VAV2: variants seen among roughly 807,000 people sequenced by gnomAD.
VAV2 encodes the protein vav guanine nucleotide exchange factor 2.
A neutral mutation model predicts 132.5 loss-of-function variants in VAV2; 67 were observed. That is an observed-to-expected ratio of 0.51 (90% CI 0.42 to 0.62). The LOEUF (loss-of-function observed/expected upper bound fraction) is 0.62, where lower values mean the gene tolerates loss of function less well. Among genes scored for constraint, VAV2 ranks in the 20% least tolerant of loss-of-function variants. The pLI, the probability that VAV2 is intolerant of heterozygous loss-of-function variation, is 0.00. For missense variants in VAV2, 938 were observed against 1,153.6 expected (o/e 0.81, Z 2.71); for synonymous variants, 492 against 443.5 (o/e 1.11, Z -1.37).
chr9:133,940,752 C>T (rs1166801984), intron 1 of VAV2, among the ~76,000 whole-genome samples: 1 of 151,672 alleles, frequency 6.6e-6, no homozygotes, highest in Non-Finnish European at 1.5e-5. Context: ...ACTCCTTTAT[C>T]CCTAAATACC....
chr9:133,795,535 C>T, intron 12 of VAV2, 133 bp downstream of exon 12: 2 of 1,154,820 alleles, frequency 1.7e-6, no homozygotes, highest in Non-Finnish European at 2.5e-6. Context: ...CTGCCCTGCC[C>T]TGCCCCAACT....
At chr9:133,866,555 G>C (rs1011782483) in intron 2 of VAV2, among the ~76,000 whole-genome samples, 3 of 152,162 alleles carry the variant, frequency 2.0e-5, no homozygotes, top group African/African-American at 7.2e-5. Flanking sequence ...TGTAATCCCA[G>C]CACTTTGGGA....
At chr9:133,987,301 T>G (rs2132311080) in intron 1 of VAV2, among the ~76,000 whole-genome samples, 1 of 150,572 alleles carries the variant, frequency 6.6e-6, no homozygotes, top group South Asian at 2.1e-4. Flanking sequence ...GAGAGAAACC[T>G]GGAACAGTGG....
At chr9:133,882,457 C>T (rs772013679) in intron 2 of VAV2, among the ~76,000 whole-genome samples, 3 of 152,240 alleles carry the variant, frequency 2.0e-5, no homozygotes, top group Non-Finnish European at 2.9e-5. Flanking sequence ...AGGATCACAG[C>T]GGATGTCATG....
chr9:133,787,254 C>G lies in VAV2; in HGVS notation c.1414G>C (p.Gly472Arg). 6.3e-7 allele frequency: 1 copy of G among 1,586,228 alleles called. No individual in the cohort carries two copies. Among genetic ancestry groups the G allele is most frequent in the Non-Finnish European group, 8.6e-7 (1 of 1,163,836 alleles). Residue 472 changes from glycine to arginine, a missense_variant, in exon 16 of 30, where the codon GGG becomes CGG. By Grantham distance (125) the Gly-to-Arg change is moderately radical. Transcript: ENST00000371850. ...GGGCGCTAGGTGCTTACCATTTTCC[C>G]GTGAGACTAGGAAGCATGGAGAGGA... ...MNNKDVKKSH[G>R]KMWSYGFYLI...
rs1002728857 is a variant in VAV2 at position 133,823,174 on chromosome 9, T to C, written c.450-10958A>G. Among the ~76,000 whole-genome samples, 5 of 152,208 alleles carry C rather than the reference T, an allele frequency of 3.3e-5. No individual in the cohort carries two copies. Among genetic ancestry groups the C allele is most frequent in the African/African-American group, 1.2e-4 (5 of 41,448 alleles). On this transcript the variant is annotated intron_variant, in intron 4 of 29. Coordinates refer to ENST00000371850, the MANE Select transcript of VAV2 (RefSeq NM_001134398.2). This position sits in a 1 kb window ranked among gnomAD's most constrained non-coding sequence, Gnocchi z 5.5. ...CACAGTGAACCAGGCCCAGGCCTAG[T>C]TAGGTGTCCTCTCTGTGCTCTGCTC...
intron 2 of VAV2, among the ~76,000 whole-genome samples, chr9:133,905,690 G>A (rs1839624233): frequency 6.6e-6 from 1 of 152,098 alleles, no homozygotes; most frequent in Non-Finnish European, 1.5e-5. Flanking sequence ...CTGAAGACCA[G>A]CCCTGGGGGG....
chr9:133,881,609 G>A (rs1214629435), intron 2 of VAV2, among the ~76,000 whole-genome samples: 2 of 152,198 alleles, frequency 1.3e-5, no homozygotes, highest in African/African-American at 4.8e-5. Flanking sequence ...ATCCATGGTG[G>A]GCCTGGCAGC....
At chr9:133,848,699 C>G (rs2131831575) in intron 3 of VAV2, among the ~76,000 whole-genome samples, 1 of 152,324 alleles carries the variant, frequency 6.6e-6, no homozygotes, top group African/African-American at 2.4e-5. Context: ...AGCCGGGCAT[C>G]TTTGGGGAAA....
intron 3 of VAV2, among the ~76,000 whole-genome samples, chr9:133,845,725 A>ATCAC (rs1464816047): frequency 6.6e-6 from 1 of 152,222 alleles, no homozygotes; most frequent in Non-Finnish European, 1.5e-5. Context: ...CATGGCAGGC[A>ATCAC]TCACTAGTCA....
chr9:133,806,763 C>T (rs1025897864), intron 8 of VAV2, among the ~76,000 whole-genome samples: 2 of 152,234 alleles, frequency 1.3e-5, no homozygotes, highest in Non-Finnish European at 2.9e-5. Flanking sequence ...GGCCGCCAGG[C>T]CAGGAGGAAG....
intron 4 of VAV2, among the ~76,000 whole-genome samples, chr9:133,819,598 G>C (rs902804641): frequency 4.6e-5 from 7 of 152,144 alleles, no homozygotes; most frequent in African/African-American, 1.7e-4. Context: ...GTTGATACTG[G>C]GGGGGCGGAA....
At position 133,778,745 on chromosome 9, in the gene VAV2, C is replaced by T. The variant is rs113673536; in HGVS notation, c.1890+17G>A. On this transcript the variant is annotated intron_variant, in intron 22 of 29. Coordinates refer to ENST00000371850, the MANE Select transcript of VAV2 (RefSeq NM_001134398.2). ...TGGAGCCGGGGACCCTCGACCCTCC[C>T]GGGCCCCAGGACCCACCTCCCACCA... The T allele has an allele frequency of 1.9e-4, 310 of 1,611,140 alleles. No homozygotes were observed. In the African/African-American group the frequency reaches 3.4e-3, roughly 18 times the overall value.
Position 133,950,349 on chromosome 9 carries a change from C to CA in VAV2, c.205-11131dup, listed in dbSNP as rs138788819. Among the ~76,000 whole-genome samples the CA allele has an allele frequency of 1.6e-3, 250 of 152,292 alleles. 1 individual carries two copies. The highest frequency in any genetic ancestry group is 5.7e-3 in the African/African-American group (236 of 41,564). ...CAACTCTGCACCCGCCTCCAGTCCA[C>CA]AGTCAGACACCGAATAAGAGGCACC... is the stretch of plus-strand genomic sequence containing the variant. On this transcript the variant is annotated intron_variant, in intron 1 of 29. Coordinates refer to ENST00000371850, the MANE Select transcript of VAV2 (RefSeq NM_001134398.2).
chr9:133,926,556 C>T lies in VAV2; in HGVS notation c.321+12547G>A, dbSNP rs554835676. Among the ~76,000 whole-genome samples the T allele has an allele frequency of 6.6e-6, 1 of 152,146 alleles. No homozygotes were observed. Among genetic ancestry groups the T allele is most frequent in the Admixed American group, 6.5e-5 (1 of 15,280 alleles). On this transcript the variant is annotated intron_variant, in intron 2 of 29. Coordinates refer to ENST00000371850, the MANE Select transcript of VAV2 (RefSeq NM_001134398.2). This position sits in a 1 kb window ranked among gnomAD's most constrained non-coding sequence, Gnocchi z 4.3. ...CCAGTCTCCTACTCCAAGCAGACCTCCCTTCTAAACCTGAGCAGGCCAGGC... is the reference window on the plus strand; with the variant it reads ...CCAGTCTCCTACTCCAAGCAGACCTTCCTTCTAAACCTGAGCAGGCCAGGC...
Position 133,886,843 on chromosome 9 carries a change from T to C in VAV2, c.322-25411A>G, listed in dbSNP as rs1197430274. 3.3e-5 allele frequency among the ~76,000 whole-genome samples: 5 copies of C among 152,168 alleles called. No individual in the cohort carries two copies. In the South Asian group the frequency reaches 1.0e-3, roughly 31 times the overall value. ...GTGTTCATAATCCATACTCCAGGGG[T>C]CTGCTGGGCTTACAGGTCCCCTGGC... is the stretch of plus-strand genomic sequence containing the variant. On this transcript the variant is annotated intron_variant, in intron 2 of 29. Transcript: ENST00000371850.
At chr9:133,782,313 A>G (rs1834040052) in intron 19 of VAV2, among the ~76,000 whole-genome samples, 1 of 152,120 alleles carries the variant, frequency 6.6e-6, no homozygotes, top group Non-Finnish European at 1.5e-5. Flanking sequence ...AGCTGCAGCC[A>G]TCGTCTGGGG....
chr9:133,886,493 G>C (rs1473719556), intron 2 of VAV2, among the ~76,000 whole-genome samples: 9 of 152,214 alleles, frequency 5.9e-5, no homozygotes, highest in Non-Finnish European at 1.3e-4. Context: ...CCTCGTCCCA[G>C]ACAAGAGGAA....
intron 1 of VAV2, among the ~76,000 whole-genome samples, chr9:133,976,139 G>A (rs972043272): frequency 5.3e-5 from 8 of 152,144 alleles, no homozygotes; most frequent in African/African-American, 1.9e-4. Context: ...CCAGGAGGCG[G>A]AGGTTGCAGT....
Sources: allele counts gnomAD v4.1 joint callset (sites outside exome capture counted in the v4.1 genomes callset), GRCh38; gene constraint gnomAD v4.1.1; non-coding constraint Gnocchi (gnomAD v3.1); transcripts MANE v1.5; gene names NCBI Gene and HGNC (gene_info 2026-07-23, HGNC 2026-07-21).